DDX42: variants seen among roughly 807,000 people sequenced by gnomAD.
DDX42 encodes ATP-dependent RNA helicase DDX42.
DDX42 carries 22 observed loss-of-function variants against 101.5 expected under a neutral mutation model. That is an observed-to-expected ratio of 0.22 (90% confidence interval 0.15 to 0.31). The LOEUF (loss-of-function observed/expected upper bound fraction) is 0.31. Among genes scored for constraint, DDX42 ranks in the 10% least tolerant of loss-of-function variants. The pLI is 1.00. For missense variants in DDX42, 849 were observed against 1,199.9 expected (o/e 0.71, Z 4.32); for synonymous variants, 402 against 401.2 (o/e 1.00, Z -0.02).
chr17:63,809,901 CTTCA>C (rs1190210234), intron 11 of DDX42, among the ~76,000 whole-genome samples: 1 of 152,206 alleles, frequency 6.6e-6, no homozygotes, highest in East Asian at 1.9e-4. Context: ...TTTTCTCTGT[CTTCA>C]TTTTTATCCA....
chr17:63,780,991 A>G (rs986150600), intron 1 of DDX42, among the ~76,000 whole-genome samples: 1 of 152,062 alleles, frequency 6.6e-6, no homozygotes, highest in Non-Finnish European at 1.5e-5. Context: ...TTAGCATATA[A>G]ACATGCCTAT....
At chr17:63,776,255 T>G (rs1202227786) in intron 1 of DDX42, 1 of 152,278 alleles carries the variant, frequency 6.6e-6, no homozygotes, top group Non-Finnish European at 1.5e-5. Flanking sequence ...TGTCTTCCTT[T>G]ATAAGTGTGT....
At chr17:63,800,350 C>T (rs2039747404) in intron 5 of DDX42, 118 bp from the exon 6 acceptor site, 8 of 852,478 alleles carry the variant, frequency 9.4e-6, no homozygotes, top group Non-Finnish European at 1.4e-5. Flanking sequence ...AGGATCTTGC[C>T]TTACTTGGTA....
chr17:63,800,314 T>C, intron 5 of DDX42, 154 bp from the exon 6 acceptor site: 1 of 585,814 alleles, frequency 1.7e-6, no homozygotes, highest in Non-Finnish European at 2.8e-6. Context: ...TGAATATTGC[T>C]ATTATTAAAG....
At chr17:63,815,716 A>C in intron 16 of DDX42, 43 bp downstream of exon 16, 348 of 1,365,150 alleles carry the variant, frequency 2.5e-4, no homozygotes, top group Non-Finnish European at 3.3e-4. Flanking sequence ...AGTTGGTCTC[A>C]TGTCCTGAAA....
In DDX42 at chr17:63,782,257, C is replaced by CT. The variant is rs564578439; in HGVS notation, c.-16-4777_-16-4776insT. Among the ~76,000 whole-genome samples, 535 of 152,206 alleles carry CT rather than the reference C, an allele frequency of 3.5e-3. 2 individuals are homozygous for CT. Among genetic ancestry groups the CT allele is most frequent in the African/African-American group, 0.012 (489 of 41,500 alleles). ...CATGCCATTGCCCTCCAGCTCTGGGCGACAGAGCAAGACTCCGTCTTGGGG... is the reference window on the plus strand; with the variant it reads ...CATGCCATTGCCCTCCAGCTCTGGGCTGACAGAGCAAGACTCCGTCTTGGGG... On this transcript the variant is annotated intron_variant, in intron 1 of 17. Coordinates refer to ENST00000389924, the MANE Select transcript of DDX42 (RefSeq NM_203499.3).
chr17:63,789,553 G>T (rs11079513), intron 2 of DDX42, among the ~76,000 whole-genome samples: 1,114 of 28,348 alleles, frequency 0.039, 187 homozygotes, highest in African/African-American at 0.088. Flanking sequence ...AGACTTTTTT[G>T]TTTTTGTTTT....
intron 6 of DDX42, among the ~76,000 whole-genome samples, chr17:63,803,301 GA>G (rs1336748071): frequency 6.6e-6 from 1 of 151,822 alleles, no homozygotes; most frequent in Non-Finnish European, 1.5e-5. Flanking sequence ...AAAAGTATCT[GA>G]AAAGGGCTGG....
At chr17:63,797,958 T>G in intron 3 of DDX42, 80 bp from the exon 4 acceptor site, 4 of 1,318,960 alleles carry the variant, frequency 3.0e-6, no homozygotes, top group Non-Finnish European at 4.2e-6. Context: ...AAAGCTATTA[T>G]GGCACTTGTT....
At chr17:63,788,877 G>GT (rs894812500) in intron 2 of DDX42, among the ~76,000 whole-genome samples, 51 of 151,576 alleles carry the variant, frequency 3.4e-4, no homozygotes, top group Admixed American at 9.9e-4. Flanking sequence ...ACTGCTTGAG[G>GT]TTTTTTTTGT....
chr17:63,800,318 A>G (rs2039747087), intron 5 of DDX42, 150 bp from the exon 6 acceptor site: 3 of 609,728 alleles, frequency 4.9e-6, no homozygotes, highest in South Asian at 2.5e-5. Flanking sequence ...TATTGCTATT[A>G]TTAAAGGAAT....
chr17:63,799,497 CTG>C, intron 4 of DDX42, 90 bp from the exon 5 acceptor site: 1 of 1,390,644 alleles, frequency 7.2e-7, no homozygotes, highest in Non-Finnish European at 1.0e-6. Context: ...AGTTCCTGTG[CTG>C]TGTGGAATTC....
chr17:63,779,524 A>G (rs9897964), intron 1 of DDX42, among the ~76,000 whole-genome samples: 2,330 of 151,932 alleles, frequency 0.015, 61 homozygotes, highest in African/African-American at 0.053. Flanking sequence ...TTGGCTTCCC[A>G]AAGTGCTGGG....
chr17:63,787,476 C>T (rs1010406574), intron 2 of DDX42, among the ~76,000 whole-genome samples: 2 of 152,122 alleles, frequency 1.3e-5, no homozygotes, highest in African/African-American at 4.8e-5. Context: ...GTTACTTATA[C>T]CTTTACTCAT....
intron 16 of DDX42, 149 bp downstream of exon 16, chr17:63,815,822 C>G (rs2039970441): frequency 2.2e-6 from 1 of 447,026 alleles, no homozygotes; most frequent in Admixed American, 4.2e-5. Context: ...TGAGTCAATG[C>G]AGTGCTCATT....
chr17:63,817,059 T>G, intron 17 of DDX42, 93 bp downstream of exon 17: 16 of 1,000,854 alleles, frequency 1.6e-5, no homozygotes, highest in Middle Eastern at 2.1e-4. Flanking sequence ...GCTGGGCGCC[T>G]AGGCTTGATG....
intron 1 of DDX42, 84 bp from the exon 2 acceptor site, chr17:63,786,950 A>T: frequency 7.2e-7 from 1 of 1,386,112 alleles, no homozygotes; most frequent in Non-Finnish European, 1.0e-6. Context: ...TGCTGGGATT[A>T]CAGGCGTGAC....
Position 63,782,466 on chromosome 17 carries a change from C to T in DDX42, c.-16-4568C>T, listed in dbSNP as rs2039500459. On this transcript the variant is annotated intron_variant, in intron 1 of 17. Transcript: ENST00000389924. ...AGCTCTCTCATAGATACTGAACTCA[C>T]CTTTTGCCTAATTTTGCAAACCTGG... is the stretch of plus-strand genomic sequence containing the variant. Among the ~76,000 whole-genome samples, 3 of 152,072 alleles carry T rather than the reference C, an allele frequency of 2.0e-5. No homozygotes were observed. In the South Asian group the frequency reaches 6.2e-4, roughly 32 times the overall value.
At chr17:63,796,744 C>T (rs751639543) in intron 3 of DDX42, among the ~76,000 whole-genome samples, 3 of 152,182 alleles carry the variant, frequency 2.0e-5, no homozygotes, top group Non-Finnish European at 4.4e-5. Flanking sequence ...CTTTTGGTGA[C>T]CTGTTTCTTA....
Sources: allele counts gnomAD v4.1 joint callset (sites outside exome capture counted in the v4.1 genomes callset), GRCh38; gene constraint gnomAD v4.1.1; transcripts MANE v1.5; gene names NCBI Gene and HGNC (gene_info 2026-07-23, HGNC 2026-07-21).